Variants in FOXP1 observed in about 807,000 individuals in gnomAD.
The protein encoded by FOXP1 is forkhead box P1.
Under a neutral mutation model 98.2 loss-of-function variants are expected in FOXP1, and 15 were observed. That is an observed-to-expected ratio of 0.15 (90% CI 0.10 to 0.24). FOXP1 has a LOEUF of 0.24. FOXP1 is among the 10% of genes least tolerant of loss of function. FOXP1 has a pLI of 1.00. For missense variants in FOXP1, 633 were observed against 848.5 expected (o/e 0.75, Z 3.15); for synonymous variants, 371 against 314.5 (o/e 1.18, Z -1.90).
At chr3:71,414,738 G>GGGT (rs1021494224) in intron 3 of FOXP1, among the ~76,000 whole-genome samples, 3 of 152,190 alleles carry the variant, frequency 2.0e-5, no homozygotes, top group Non-Finnish European at 4.4e-5. Flanking sequence ...GGGAAACACC[G>GGGT]GGTGTGCCTA....
At chr3:71,363,586 C>A (rs781396901) in intron 3 of FOXP1, among the ~76,000 whole-genome samples, 1 of 152,194 alleles carries the variant, frequency 6.6e-6, no homozygotes, top group Non-Finnish European at 1.5e-5. Flanking sequence ...AAATGCTGCC[C>A]TTCCCAGGGG....
chr3:71,358,188 C>T (rs1030869069), intron 4 of FOXP1, among the ~76,000 whole-genome samples: 11 of 152,326 alleles, frequency 7.2e-5, no homozygotes, highest in Admixed American at 2.6e-4. Flanking sequence ...TCTTACAGCA[C>T]TCTCAGATTC....
intron 6 of FOXP1, among the ~76,000 whole-genome samples, chr3:71,128,264 A>G (rs549486031): frequency 3.4e-4 from 51 of 151,564 alleles, no homozygotes; most frequent in Non-Finnish European, 6.0e-4. Context: ...ATGCCTACAT[A>G]TTAAGAATGA....
intron 6 of FOXP1, among the ~76,000 whole-genome samples, chr3:71,150,746 G>A (rs977398629): frequency 7.9e-5 from 12 of 151,988 alleles, no homozygotes; most frequent in African/African-American, 2.9e-4. Flanking sequence ...TTCCAGTTAT[G>A]AATCTTTACC....
At chr3:71,316,724 C>T (rs2075101227) in intron 4 of FOXP1, among the ~76,000 whole-genome samples, 1 of 150,080 alleles carries the variant, frequency 6.7e-6, no homozygotes, top group Non-Finnish European at 1.5e-5. Context: ...GTGGTGCGAT[C>T]TCAGCTCACG....
chr3:70,977,091 G>T, intron 16 of FOXP1, 49 bp from the exon 17 acceptor site: 1 of 1,211,702 alleles, frequency 8.3e-7, no homozygotes. Flanking sequence ...AATCAGCAGA[G>T]TCGTCATTCC....
At chr3:71,072,141 GC>G (rs1307853444) in intron 7 of FOXP1, among the ~76,000 whole-genome samples, 3 of 152,126 alleles carry the variant, frequency 2.0e-5, no homozygotes, top group Admixed American at 6.5e-5. Flanking sequence ...GGGCAATGTA[GC>G]AAGACCCTGT....
intron 2 of FOXP1, among the ~76,000 whole-genome samples, chr3:71,511,343 CACTT>C (rs2042190897): frequency 6.6e-6 from 1 of 152,172 alleles, no homozygotes; most frequent in African/African-American, 2.4e-5. Context: ...TAGTCAGCCT[CACTT>C]GTCATAATTC....
chr3:71,502,027 G>A (rs1368943551), intron 2 of FOXP1, among the ~76,000 whole-genome samples: 3 of 152,234 alleles, frequency 2.0e-5, no homozygotes, highest in Non-Finnish European at 4.4e-5. Flanking sequence ...CGCTCATCAG[G>A]AAGGCTCTTT....
intron 6 of FOXP1, among the ~76,000 whole-genome samples, chr3:71,160,368 A>C (rs1006578021): frequency 2.0e-5 from 3 of 152,182 alleles, no homozygotes; most frequent in Non-Finnish European, 2.9e-5. Context: ...GAGAAAATTT[A>C]AGGTAAGAGG....
chr3:71,354,575 C>T (rs889480848), intron 4 of FOXP1, among the ~76,000 whole-genome samples: 1 of 152,224 alleles, frequency 6.6e-6, no homozygotes. Flanking sequence ...GACTATCTCA[C>T]TGCTTGCTTA....
chr3:71,117,257 T>C (rs1340118213), intron 6 of FOXP1, among the ~76,000 whole-genome samples: 6 of 152,028 alleles, frequency 3.9e-5, no homozygotes, highest in Non-Finnish European at 7.4e-5. Context: ...CCAACTAATT[T>C]TTCCATTTTT....
chr3:71,576,711 T>C (rs531803776), intron 2 of FOXP1, among the ~76,000 whole-genome samples: 44 of 152,258 alleles, frequency 2.9e-4, no homozygotes, highest in African/African-American at 9.9e-4. Context: ...ACCAATAACC[T>C]TAAATTATTA....
intron 3 of FOXP1, among the ~76,000 whole-genome samples, chr3:71,457,295 C>T (rs1289698559): frequency 2.6e-5 from 4 of 152,134 alleles, no homozygotes; most frequent in Non-Finnish European, 2.9e-5. Context: ...AGAAAATATG[C>T]AGTAGTACTG....
chr3:71,562,044 C>T (rs182890094), intron 2 of FOXP1, among the ~76,000 whole-genome samples: 6 of 152,244 alleles, frequency 3.9e-5, no homozygotes. Flanking sequence ...AGCATGGAGG[C>T]CTGATGATAG....
intron 19 of FOXP1, among the ~76,000 whole-genome samples, chr3:70,967,687 GTTTTTTTTTTTTGTTTTTTTTTGTTTTTT>G (rs1352558938): frequency 4.9e-5 from 3 of 61,358 alleles, no homozygotes; most frequent in Admixed American, 2.2e-4. Context: ...ACTATTATTT[GTTTTTTTTTTTTGTTTTTTTTTGTTTTTT>G]TTTTTTTTTT....
chr3:71,380,239 G>T (rs2080037541), intron 3 of FOXP1, among the ~76,000 whole-genome samples: 1 of 152,142 alleles, frequency 6.6e-6, no homozygotes. Flanking sequence ...GTGGACAGAG[G>T]TCAGGGAGAC....
chr3:71,212,207 C>T lies in FOXP1; in HGVS notation c.-11-13815G>A, dbSNP rs138449017. 1.1e-4 allele frequency among the ~76,000 whole-genome samples: 17 copies of T among 152,150 alleles called. No individual in the cohort carries two copies. In the East Asian group the frequency reaches 1.5e-3, roughly 14 times the overall value. ...GCTTCAACATTGAACCACAGTAATGCGAATTGGTGAATGATTTACGAGCCA... is the reference window on the plus strand; with the variant it reads ...GCTTCAACATTGAACCACAGTAATGTGAATTGGTGAATGATTTACGAGCCA... On this transcript the variant is annotated intron_variant, in intron 5 of 20. Coordinates refer to ENST00000649528, the MANE Select transcript of FOXP1 (RefSeq NM_001349338.3).
intron 7 of FOXP1, among the ~76,000 whole-genome samples, chr3:71,055,044 T>C (rs1422359223): frequency 6.6e-6 from 1 of 152,156 alleles, no homozygotes; most frequent in East Asian, 1.9e-4. Flanking sequence ...AGGGGAGCAG[T>C]AAGCAAAAGG....
Sources: gnomAD v4.1 joint callset for allele counts (sites outside exome capture counted in the v4.1 genomes callset) on GRCh38, gnomAD v4.1.1 for gene constraint, MANE v1.5 for transcripts, NCBI Gene and HGNC (gene_info 2026-07-23, HGNC 2026-07-21) for gene names.